Variants in B3GALT1 observed in about 807,000 individuals in gnomAD.
The protein encoded by B3GALT1 is beta-1,3-galactosyltransferase 1, also known as UDP-Gal:betaGlcNAc beta 1,3-galactosyltransferase, polypeptide 1.
A neutral mutation model predicts 23.2 loss-of-function variants in B3GALT1; 10 were observed. That is an observed-to-expected ratio of 0.43 (90% confidence interval 0.27 to 0.73). The LOEUF (loss-of-function observed/expected upper bound fraction) is 0.73. Among genes scored for constraint, B3GALT1 ranks in the 30% least tolerant of loss-of-function variants. The pLI, the probability that B3GALT1 is intolerant of heterozygous loss-of-function variation, is 0.21. For synonymous variants in B3GALT1, 156 were observed against 141.5 expected (o/e 1.10, Z -0.73); for missense variants, 299 against 405.4 (o/e 0.74, Z 2.25).
chr2:167,476,710 C>T (rs964830776), intron 1 of B3GALT1, among the ~76,000 whole-genome samples: 4 of 152,140 alleles, frequency 2.6e-5, no homozygotes, highest in Middle Eastern at 3.2e-3. Flanking sequence ...CTACACCTCT[C>T]ACTGAGATAA....
At chr2:167,459,507 C>G (rs1013050861) in intron 1 of B3GALT1, among the ~76,000 whole-genome samples, 5 of 152,092 alleles carry the variant, frequency 3.3e-5, no homozygotes. Context: ...ACATTAGTCT[C>G]TTCAAATATG....
chr2:167,720,133 T>C (rs563552285), intron 3 of B3GALT1, among the ~76,000 whole-genome samples: 22 of 152,308 alleles, frequency 1.4e-4, no homozygotes, highest in African/African-American at 4.8e-4. Flanking sequence ...TTCTCAGTAA[T>C]GCAACTCTAG....
At chr2:167,834,574 A>AGAT (rs1328283895) in intron 4 of B3GALT1, among the ~76,000 whole-genome samples, 2 of 152,166 alleles carry the variant, frequency 1.3e-5, no homozygotes, top group East Asian at 1.9e-4. Context: ...TCTCCCCATA[A>AGAT]GATATAGTAA....
intron 1 of B3GALT1, among the ~76,000 whole-genome samples, chr2:167,426,224 GAGTATGAT>G (rs1363357672): frequency 6.6e-6 from 1 of 151,788 alleles, no homozygotes; most frequent in Non-Finnish European, 1.5e-5. Context: ...TGGCTCACTG[GAGTATGAT>G]AGAAATTTGA....
intron 2 of B3GALT1, among the ~76,000 whole-genome samples, chr2:167,544,221 T>C (rs1683586367): frequency 6.6e-6 from 1 of 152,348 alleles, no homozygotes. Flanking sequence ...TTGACCGAAC[T>C]TGATCCAACC....
chr2:167,828,563 T>A (rs1362552420), intron 4 of B3GALT1, among the ~76,000 whole-genome samples: 1 of 152,200 alleles, frequency 6.6e-6, no homozygotes, highest in African/African-American at 2.4e-5. Context: ...GTCCCCTTCT[T>A]TGTCTCTCAG....
intron 2 of B3GALT1, among the ~76,000 whole-genome samples, chr2:167,514,665 T>G (rs61252209): frequency 6.6e-6 from 1 of 152,222 alleles, no homozygotes; most frequent in Admixed American, 6.5e-5. Context: ...AGTTTTTGTT[T>G]GTCATCAAAT....
intron 3 of B3GALT1, among the ~76,000 whole-genome samples, chr2:167,804,116 A>C (rs999560463): frequency 6.6e-6 from 1 of 152,060 alleles, no homozygotes; most frequent in Non-Finnish European, 1.5e-5. Context: ...CAGACTCCCA[A>C]GTAGCTGGGA....
intron 2 of B3GALT1, among the ~76,000 whole-genome samples, chr2:167,589,046 A>T (rs1160082934): frequency 4.6e-5 from 7 of 151,866 alleles, no homozygotes. Flanking sequence ...GGCCCAAGAG[A>T]TCCTCCCAAC....
chr2:167,532,271 G>C (rs1013374601), intron 2 of B3GALT1, among the ~76,000 whole-genome samples: 7 of 152,172 alleles, frequency 4.6e-5, no homozygotes, highest in African/African-American at 1.7e-4. Flanking sequence ...TTTAATTTTA[G>C]TGCTGTTTGG....
chr2:167,506,242 A>G (rs1699915787), intron 2 of B3GALT1, among the ~76,000 whole-genome samples: 1 of 152,084 alleles, frequency 6.6e-6, no homozygotes, highest in African/African-American at 2.4e-5. Flanking sequence ...TTTTGATGTG[A>G]TTGTTGTCTT....
intron 3 of B3GALT1, among the ~76,000 whole-genome samples, chr2:167,655,905 A>G (rs1685947912): frequency 6.6e-6 from 1 of 152,168 alleles, no homozygotes; most frequent in African/African-American, 2.4e-5. Flanking sequence ...GCCTGAGTAT[A>G]TAAATATCCA....
intron 2 of B3GALT1, among the ~76,000 whole-genome samples, chr2:167,509,759 C>G (rs776121789): frequency 6.6e-6 from 1 of 151,958 alleles, no homozygotes; most frequent in Non-Finnish European, 1.5e-5. Flanking sequence ...AGATCAGCAA[C>G]GTTAAGGGGA....
At position 167,873,140 on chromosome 2, in the gene B3GALT1, AAG is replaced by A. The variant is rs1302364809; in HGVS notation, c.*3123_*3124del. ...GCAATGTTTTAGACAGTATTCTACC[AAG>A]AGTCTCTCAGACAATTTTTACAAAA... is the stretch of plus-strand genomic sequence containing the variant. On this transcript the variant is annotated 3_prime_UTR_variant, in exon 5 of 5. Coordinates refer to ENST00000392690, the MANE Select transcript of B3GALT1 (RefSeq NM_020981.4). 1.3e-5 allele frequency: 2 copies of A among 151,816 alleles called. No homozygotes were observed. The highest frequency in any genetic ancestry group is 2.4e-5 in the African/African-American group (1 of 41,110). The allele number at this position is 151,816 out of a possible 1,614,324, so 9.4% of individuals were successfully genotyped here.
At chr2:167,520,306 A>G (rs1700169320) in intron 2 of B3GALT1, among the ~76,000 whole-genome samples, 1 of 98,088 alleles carries the variant, frequency 1.0e-5, no homozygotes, top group Non-Finnish European at 1.8e-5. Flanking sequence ...AATGCCCTTT[A>G]TACATTTTTT....
chr2:167,842,570 A>G (rs1689672504), intron 4 of B3GALT1, among the ~76,000 whole-genome samples: 1 of 152,216 alleles, frequency 6.6e-6, no homozygotes, highest in African/African-American at 2.4e-5. Flanking sequence ...TTTAAATGTT[A>G]AAATTAATAA....
chr2:167,765,968 G>C (rs1056357937), intron 3 of B3GALT1, among the ~76,000 whole-genome samples: 7 of 152,182 alleles, frequency 4.6e-5, no homozygotes, highest in Non-Finnish European at 1.0e-4. Flanking sequence ...TTGTGACCAA[G>C]TGAAAGCATA....
chr2:167,547,426 G>A (rs968134133), intron 2 of B3GALT1, among the ~76,000 whole-genome samples: 2 of 152,150 alleles, frequency 1.3e-5, no homozygotes, highest in Admixed American at 6.5e-5. Flanking sequence ...GCCGGGCGCG[G>A]TGGCCCACGC....
intron 1 of B3GALT1, among the ~76,000 whole-genome samples, chr2:167,454,210 T>TGTGC (rs558775232): frequency 1.8e-4 from 27 of 149,542 alleles, no homozygotes; most frequent in African/African-American, 5.9e-4. Flanking sequence ...TGTGTGTGTG[T>TGTGC]GCGCACGCGC....
Sources: gnomAD v4.1 joint callset for allele counts (sites outside exome capture counted in the v4.1 genomes callset) on GRCh38, gnomAD v4.1.1 for gene constraint, MANE v1.5 for transcripts, NCBI Gene and HGNC (gene_info 2026-07-23, HGNC 2026-07-21) for gene names.